Variants in KY observed in about 807,000 individuals in gnomAD.
KY encodes kyphoscoliosis peptidase.
A neutral mutation model predicts 76.1 loss-of-function variants in KY; 43 were observed. That is an observed-to-expected ratio of 0.57 (90% CI 0.44 to 0.73). The LOEUF (loss-of-function observed/expected upper bound fraction) is 0.73, where lower values mean the gene tolerates loss of function less well. KY is among the 30% of genes least tolerant of loss of function. The probability of loss-of-function intolerance (pLI) is 0.00; values close to 1 mark genes in which losing one functional copy is unlikely to be tolerated. For missense variants in KY, 722 were observed against 828.9 expected (o/e 0.87, Z 1.58); for synonymous variants, 277 against 326.2 (o/e 0.85, Z 1.63).
In KY at chr3:134,650,837, G is replaced by T. The variant is rs778453708; in HGVS notation, c.124C>A (p.Gln42Lys). Residue 42 changes from glutamine (Q) to lysine (K), a missense_variant, in exon 1 of 11, where the codon CAG becomes AAG. By Grantham distance (53) the Gln-to-Lys change is moderately conservative. Transcript: ENST00000423778. ...DQQANPSSLL[Q>K]RGGGFQGVGN... The stretch of plus-strand genomic sequence containing the variant: ...GGGCGCGCGTTACCTCCTCCGCGCT[G>T]CAGCAGCGAGCTCGGGTTCGCCTGC... 2 of 1,602,746 alleles carry T rather than the reference G, an allele frequency of 1.2e-6. No homozygotes were observed. The highest frequency in any genetic ancestry group is 1.1e-5 in the South Asian group (1 of 90,406).
At chr3:134,604,919 A>T (rs1479819551) in intron 10 of KY, among the ~76,000 whole-genome samples, 2 of 152,136 alleles carry the variant, frequency 1.3e-5, no homozygotes, top group African/African-American at 4.8e-5. Flanking sequence ...CAATGCTGTC[A>T]TGTCAACGCA....
chr3:134,609,496 T>G (rs369573308), intron 9 of KY, among the ~76,000 whole-genome samples: 55 of 152,160 alleles, frequency 3.6e-4, no homozygotes, highest in African/African-American at 1.3e-3. Flanking sequence ...GTGTCAAGAT[T>G]TAAGGTGCAA....
intron 3 of KY, among the ~76,000 whole-genome samples, chr3:134,633,527 A>G (rs1013828176): frequency 1.3e-5 from 2 of 152,136 alleles, no homozygotes; most frequent in Non-Finnish European, 2.9e-5. Context: ...ATTGGTGTAG[A>G]AAAATGCATT....
At chr3:134,623,758 G>T (rs987804150) in intron 6 of KY, among the ~76,000 whole-genome samples, 1 of 152,118 alleles carries the variant, frequency 6.6e-6, no homozygotes, top group Non-Finnish European at 1.5e-5. Flanking sequence ...AGCCGACATG[G>T]CGTCTGTCCT....
chr3:134,607,904 A>AG (rs1313514255), intron 10 of KY: 1 of 991,638 alleles, frequency 1.0e-6, no homozygotes, highest in Non-Finnish European at 1.2e-6. Flanking sequence ...GCCCTCATCC[A>AG]GGGGTGCCTG....
rs373731639 is a variant in KY, at chr3:134,643,362, C to T, written c.216G>A (p.Lys72=). The stretch of plus-strand genomic sequence containing the variant: ...TGACCTGGGGCTGCTGAGGGTGCTG[C>T]TTCTCCACCAAGTTTTCTATTTAAG... ...GNDFHENLVE[K]QHPQQPQVIT... is the part of the protein sequence containing the mutation. The change falls in exon 3 of 11, where the codon AAG becomes AAA. Residue 72 remains lysine (K), a synonymous_variant. Transcript: ENST00000423778. The T allele has an allele frequency of 7.4e-5, 120 of 1,613,886 alleles. 1 individual carries two copies. The African/African-American group carries it at 1.3e-3, about 18-fold the overall frequency.
intron 3 of KY, among the ~76,000 whole-genome samples, chr3:134,632,017 A>G (rs1010144264): frequency 9.2e-5 from 14 of 152,106 alleles, no homozygotes; most frequent in East Asian, 1.9e-4. Context: ...TTAATATCAG[A>G]TCAGAGAAAG....
Position 134,614,200 on chromosome 3 carries a change from G to A in KY, c.711-3817C>T, listed in dbSNP as rs926168943. Among the ~76,000 whole-genome samples the A allele has an allele frequency of 5.9e-5, 9 of 152,126 alleles. No individual in the cohort carries two copies. In the South Asian group the frequency reaches 1.0e-3, roughly 18 times the overall value. On this transcript the variant is annotated intron_variant, in intron 8 of 10. Coordinates refer to ENST00000423778, the MANE Select transcript of KY (RefSeq NM_178554.6). ...TTGCAGGCAGGAGCTGAGAGAGCAC[G>A]GAAGGAGGGGCCGAGGACTAGAAAC... is the stretch of plus-strand genomic sequence containing the variant.
At chr3:134,625,203 G>T (rs904173189) in intron 5 of KY, 68 bp from the exon 6 acceptor site, 1 of 1,277,654 alleles carries the variant, frequency 7.8e-7, no homozygotes, top group Non-Finnish European at 1.1e-6. Context: ...CCTAGGCCTT[G>T]CTGTCTCTTT....
intron 8 of KY, among the ~76,000 whole-genome samples, chr3:134,611,016 C>T (rs1960343860): frequency 6.6e-6 from 1 of 152,196 alleles, no homozygotes; most frequent in African/African-American, 2.4e-5. Flanking sequence ...GAGGACTGGC[C>T]AGCTGCCAGT....
At position 134,602,489 on chromosome 3, in the gene KY, G is replaced by A. The variant is rs999318496; in HGVS notation, c.*1090C>T. ...AGACAGGCACAAAAGCTGCTCTCGT[G>A]CAGCTGGAATTCTTCCCAGCCCTGG... is the stretch of plus-strand genomic sequence containing the variant. On this transcript the variant is annotated 3_prime_UTR_variant, in exon 11 of 11. Transcript: ENST00000423778. 2.6e-5 allele frequency among the ~76,000 whole-genome samples: 4 copies of A among 152,186 alleles called. No individual in the cohort carries two copies. The highest frequency in any genetic ancestry group is 9.7e-5 in the African/African-American group (4 of 41,444).
At chr3:134,630,447 C>A (rs956194323) in intron 3 of KY, among the ~76,000 whole-genome samples, 2 of 152,206 alleles carry the variant, frequency 1.3e-5, no homozygotes, top group Non-Finnish European at 2.9e-5. Flanking sequence ...GAGGCAGACA[C>A]AGTTGTGGGG....
At position 134,625,097 on chromosome 3, in the gene KY, G is replaced by A; in HGVS notation, c.439C>T (p.Leu147=). Residue 147 remains leucine, a synonymous_variant, in exon 6 of 11, where the codon CTG becomes TTG. Transcript: ENST00000423778. ...WDRSSLKSMS[L]DLQQFEKLDI... ...AATTTCTCAAACTGCTGCAGGTCCA[G>A]GGACATGGATTTCAGGCTAGATCGA... 1 of 1,603,266 alleles carries A rather than the reference G, an allele frequency of 6.2e-7. No individual in the cohort carries two copies. Among genetic ancestry groups the A allele is most frequent in the South Asian group, 1.1e-5 (1 of 88,542 alleles).
intron 3 of KY, among the ~76,000 whole-genome samples, chr3:134,637,299 T>A (rs968147370): frequency 5.9e-5 from 9 of 152,258 alleles, no homozygotes; most frequent in Non-Finnish European, 1.0e-4. Flanking sequence ...TGTCTTCCCA[T>A]CATCAGTGAG....
chr3:134,636,591 C>T (rs1965005300), intron 3 of KY, among the ~76,000 whole-genome samples: 2 of 152,214 alleles, frequency 1.3e-5, no homozygotes, highest in Admixed American at 6.5e-5. Flanking sequence ...AGCCAACCCA[C>T]CAGCTGACAA....
intron 9 of KY, among the ~76,000 whole-genome samples, chr3:134,609,970 G>A (rs1277076963): frequency 1.3e-5 from 2 of 152,226 alleles, no homozygotes; most frequent in African/African-American, 4.8e-5. Flanking sequence ...GTTATAGGGA[G>A]TCAGAGTGGG....
At chr3:134,608,541 C>A (rs780386061) in intron 10 of KY, 108 bp downstream of exon 10, 1 of 1,602,912 alleles carries the variant, frequency 6.2e-7, no homozygotes, top group Non-Finnish European at 8.5e-7. Context: ...ACAAGCCATG[C>A]GTCTGGAAGG....
intron 10 of KY, chr3:134,608,281 G>T (rs1169550153): frequency 2.5e-6 from 3 of 1,210,268 alleles, no homozygotes; most frequent in Admixed American, 3.5e-5. Flanking sequence ...CCTGCTATGT[G>T]AACTGAGAGA....
At chr3:134,608,997 C>G (rs1402426413) in intron 9 of KY, among the ~76,000 whole-genome samples, 158 bp from the exon 10 acceptor site, 10 of 152,154 alleles carry the variant, frequency 6.6e-5, no homozygotes, top group Non-Finnish European at 1.2e-4. Flanking sequence ...TGGATGCTTC[C>G]AGAAATTGTA....
Sources: gnomAD v4.1 joint callset for allele counts (sites outside exome capture counted in the v4.1 genomes callset) on GRCh38, gnomAD v4.1.1 for gene constraint, MANE v1.5 for transcripts, NCBI Gene and HGNC (gene_info 2026-07-23, HGNC 2026-07-21) for gene names.